LRRC28: variants seen among roughly 807,000 people sequenced by gnomAD.
LRRC28 encodes the protein leucine rich repeat containing 28.
Under a neutral mutation model 45.7 loss-of-function variants are expected in LRRC28, and 39 were observed. The observed-to-expected ratio is 0.85, with a 90% CI of 0.66 to 1.12. The LOEUF (loss-of-function observed/expected upper bound fraction) is 1.12, where lower values mean the gene tolerates loss of function less well. Among genes scored for constraint, LRRC28 ranks in the 50% most tolerant of loss-of-function variants. The pLI, the probability that LRRC28 is intolerant of heterozygous loss-of-function variation, is 0.00. For missense variants in LRRC28, 435 were observed against 438.5 expected (o/e 0.99, Z 0.07); for synonymous variants, 206 against 178.8 (o/e 1.15, Z -1.22).
At chr15:99,269,269 AAAT>A (rs1163568823) in intron 2 of LRRC28, among the ~76,000 whole-genome samples, 1 of 152,266 alleles carries the variant, frequency 6.6e-6, no homozygotes, top group Admixed American at 6.5e-5. Context: ...TTTCTAAGAA[AAAT>A]AATCTAAAAC....
intron 5 of LRRC28, among the ~76,000 whole-genome samples, chr15:99,311,180 A>G (rs994931450): frequency 3.3e-5 from 5 of 152,138 alleles, no homozygotes; most frequent in African/African-American, 7.2e-5. Flanking sequence ...GGGGACATGG[A>G]ATAAACTATG....
In LRRC28 at chr15:99,352,429, G is replaced by T. The variant is rs750885515; in HGVS notation, c.653G>T (p.Gly218Val). The change falls in exon 7 of 10, where the codon GGC (glycine) becomes GTC (valine). Residue 218 changes from glycine (G) to valine (V), a missense_variant. Physicochemically the swap from Gly to Val is moderately radical, Grantham distance 109 (BLOSUM62 -3). Coordinates refer to ENST00000301981, the MANE Select transcript of LRRC28 (RefSeq NM_144598.5). ...VYVDNNIHLK[G>V]LPSYLYNKVI... ...GTGGATAACAACATTCACCTGAAAG[G>T]CTTGCCATCTTATCTGTACAATAAA... 2 of 1,614,014 alleles carry T rather than the reference G, an allele frequency of 1.2e-6. No homozygotes were observed. The highest frequency in any genetic ancestry group is 2.7e-5 in the African/African-American group (2 of 75,020).
intron 3 of LRRC28, among the ~76,000 whole-genome samples, chr15:99,280,108 T>C (rs1287533785): frequency 1.3e-5 from 2 of 152,164 alleles, no homozygotes; most frequent in East Asian, 3.8e-4. Context: ...TGGCATCTTT[T>C]TTTGGTGAAA....
chr15:99,295,098 GT>G (rs1338392853), intron 5 of LRRC28, among the ~76,000 whole-genome samples: 8 of 152,186 alleles, frequency 5.3e-5, no homozygotes, highest in African/African-American at 1.9e-4. Flanking sequence ...AGTTCATTGT[GT>G]TTTGGCGGGA....
rs144879456 is a variant in LRRC28, at chr15:99,321,691, C to G, written c.386-12232C>G. Among the ~76,000 whole-genome samples, 7 of 152,264 alleles carry G rather than the reference C, an allele frequency of 4.6e-5. No individual in the cohort carries two copies. The East Asian group carries it at 1.4e-3, about 29-fold the overall frequency. ...GTTTGTGTGCAGCTGCAAGTCTGGT[C>G]TGCGGCCACTGAACAAGTGAGGTAG... On this transcript the variant is annotated intron_variant, in intron 5 of 9. Transcript: ENST00000301981.
chr15:99,359,984 T>G (rs771649416), intron 7 of LRRC28, among the ~76,000 whole-genome samples: 5 of 152,172 alleles, frequency 3.3e-5, no homozygotes, highest in Non-Finnish European at 5.9e-5. Context: ...GTATTTGGGT[T>G]CTCTTTACCT....
chr15:99,329,289 T>C (rs1298824139), intron 5 of LRRC28, among the ~76,000 whole-genome samples: 1 of 152,206 alleles, frequency 6.6e-6, no homozygotes, highest in African/African-American at 2.4e-5. Flanking sequence ...ACAGACAGCA[T>C]ACACTTCAAA....
Position 99,387,139 on chromosome 15 carries a change from CA to C in LRRC28, c.*1039del, listed in dbSNP as rs1193339840. On this transcript the variant is annotated 3_prime_UTR_variant, in exon 10 of 10. Transcript: ENST00000301981. ...GCAGTGGCGGGATCTCGGCTCACTG[CA>C]AGCTCCGCCTCCCGGGTTCACGCCA... The C allele has an allele frequency of 2.0e-5, 3 of 150,548 alleles. No homozygotes were observed. Among genetic ancestry groups the C allele is most frequent in the Non-Finnish European group, 4.4e-5 (3 of 67,556 alleles). 9.3% of individuals were successfully genotyped at this position (150,548 alleles called of 1,614,324 possible).
At chr15:99,368,820 A>T (rs1392390597) in intron 9 of LRRC28, among the ~76,000 whole-genome samples, 1 of 152,192 alleles carries the variant, frequency 6.6e-6, no homozygotes, top group African/African-American at 2.4e-5. Context: ...ATAGGCTGAG[A>T]ATTCTCCAAA....
intron 9 of LRRC28, among the ~76,000 whole-genome samples, chr15:99,377,007 G>A (rs141569226): frequency 0.011 from 1,645 of 152,268 alleles, 28 homozygotes; most frequent in African/African-American, 0.037. Context: ...ATAAACATAC[G>A]TGTGCATTTG....
chr15:99,283,979 A>G (rs911555458), intron 3 of LRRC28, among the ~76,000 whole-genome samples: 1 of 152,254 alleles, frequency 6.6e-6, no homozygotes, highest in African/African-American at 2.4e-5. Context: ...TTTAACTCTT[A>G]CCAGGAGCCA....
chr15:99,311,382 A>G (rs1303494543), intron 5 of LRRC28, among the ~76,000 whole-genome samples: 6 of 152,056 alleles, frequency 3.9e-5, no homozygotes, highest in Admixed American at 6.6e-5. Context: ...TTTCAAATAT[A>G]TTTTCTAATT....
intron 3 of LRRC28, chr15:99,285,208 A>G (rs533498880): frequency 8.2e-6 from 6 of 731,050 alleles, no homozygotes; most frequent in Admixed American, 3.5e-5. Flanking sequence ...ATACTGTTCA[A>G]AATAATCTTA....
In LRRC28 at chr15:99,390,036, T is replaced by A. The variant is rs1442526798; in HGVS notation, c.*3934T>A. 1 of 152,424 alleles carries A rather than the reference T, an allele frequency of 6.6e-6. No homozygotes were observed. Among genetic ancestry groups the A allele is most frequent in the Non-Finnish European group, 1.5e-5 (1 of 68,250 alleles). The allele number at this position is 152,424 out of a possible 1,614,324, so 9.4% of individuals were successfully genotyped here. ...GGGAGGCTGAGGCAGGAGAATTGCTTGAACCCGGCAGGAAGAGGTTGCATT... is the reference window on the plus strand; with the variant it reads ...GGGAGGCTGAGGCAGGAGAATTGCTAGAACCCGGCAGGAAGAGGTTGCATT... On this transcript the variant is annotated 3_prime_UTR_variant, in exon 10 of 10. Transcript: ENST00000301981.
chr15:99,381,357 T>A (rs1460189850), intron 9 of LRRC28, among the ~76,000 whole-genome samples: 2 of 152,270 alleles, frequency 1.3e-5, no homozygotes, highest in Non-Finnish European at 2.9e-5. Flanking sequence ...GTCATGTAGT[T>A]CTCGCGCCAT....
At chr15:99,301,785 T>G (rs1954978738) in intron 5 of LRRC28, among the ~76,000 whole-genome samples, 1 of 152,166 alleles carries the variant, frequency 6.6e-6, no homozygotes. Context: ...TTGTTTCCTA[T>G]CCGTAGTTTA....
chr15:99,349,326 T>G lies in LRRC28; in HGVS notation c.593-3043T>G, dbSNP rs118151677. Among the ~76,000 whole-genome samples, 274 of 152,270 alleles carry G rather than the reference T, an allele frequency of 1.8e-3. 2 individuals carry two copies. In the East Asian group the frequency reaches 0.041, roughly 23 times the overall value. The stretch of plus-strand genomic sequence containing the variant: ...TTGGTGTACTGGAGTAAAAATGGAC[T>G]AAAAAGTTCATAAATGACACTGAGA... On this transcript the variant is annotated intron_variant, in intron 6 of 9. Coordinates refer to ENST00000301981, the MANE Select transcript of LRRC28 (RefSeq NM_144598.5).
chr15:99,381,141 C>T (rs1215249811), intron 9 of LRRC28, among the ~76,000 whole-genome samples: 1 of 152,120 alleles, frequency 6.6e-6, no homozygotes, highest in Non-Finnish European at 1.5e-5. Context: ...CAGCTTGGTT[C>T]CATTCTCCCC....
chr15:99,322,189 G>C (rs1955821975), intron 5 of LRRC28, among the ~76,000 whole-genome samples: 1 of 152,176 alleles, frequency 6.6e-6, no homozygotes, highest in African/African-American at 2.4e-5. Context: ...GGCTGATCTG[G>C]AGACCATGTT....
Sources: gnomAD v4.1 joint callset for allele counts (sites outside exome capture counted in the v4.1 genomes callset) on GRCh38, gnomAD v4.1.1 for gene constraint, MANE v1.5 for transcripts, NCBI Gene and HGNC (gene_info 2026-07-23, HGNC 2026-07-21) for gene names.